The following USP24 variants were observed in gnomAD, a reference collection of about 807,000 sequenced individuals.
The protein encoded by USP24 is ubiquitin carboxyl-terminal hydrolase 24.
A neutral mutation model predicts 361.6 loss-of-function variants in USP24; 97 were observed. The observed-to-expected ratio is 0.27, with a 90% confidence interval of 0.23 to 0.32. The LOEUF is 0.32. Among genes scored for constraint, USP24 ranks in the 10% least tolerant of loss-of-function variants. The probability of loss-of-function intolerance (pLI) is 1.00; values close to 1 mark genes in which losing one functional copy is unlikely to be tolerated. For synonymous variants in USP24, 1,098 were observed against 1,124.6 expected (o/e 0.98, Z 0.47); for missense variants, 2,353 against 3,165.6 (o/e 0.74, Z 6.16).
At chr1:55,207,748 G>T (rs1463636845) in intron 1 of USP24, among the ~76,000 whole-genome samples, 3 of 151,310 alleles carry the variant, frequency 2.0e-5, no homozygotes, top group Non-Finnish European at 4.4e-5. Context: ...AGGGACAACT[G>T]TATCGTATTG....
At chr1:55,111,968 G>A (rs1043570890) in intron 38 of USP24, among the ~76,000 whole-genome samples, 11 of 151,918 alleles carry the variant, frequency 7.2e-5, no homozygotes, top group African/African-American at 2.7e-4. Context: ...ATAAAGACTT[G>A]CAAACAACAG....
chr1:55,079,501 G>A (rs1408797580), intron 60 of USP24, 37 bp downstream of exon 60: 2 of 1,554,024 alleles, frequency 1.3e-6, no homozygotes, highest in Non-Finnish European at 1.7e-6. Context: ...CCTCAAACAG[G>A]AGGGAAAAAA....
At chr1:55,095,510 T>A in intron 50 of USP24, 114 bp from the exon 51 acceptor site, 1 of 1,177,906 alleles carries the variant, frequency 8.5e-7, no homozygotes, top group Non-Finnish European at 1.2e-6. Context: ...CCTAAGTTTG[T>A]AAAATGCAAA....
intron 64 of USP24, 138 bp downstream of exon 64, chr1:55,073,690 T>G: frequency 1.3e-6 from 1 of 768,744 alleles, no homozygotes. Context: ...CAAATAGGTT[T>G]CTGTACCTTC....
chr1:55,129,159 C>T (rs947206218), intron 32 of USP24, among the ~76,000 whole-genome samples: 3 of 152,102 alleles, frequency 2.0e-5, no homozygotes, highest in East Asian at 1.9e-4. Flanking sequence ...GGATTTACAG[C>T]GATAAAATTC....
At chr1:55,071,562 C>T (rs1409207299) in intron 67 of USP24, 3 of 1,303,344 alleles carry the variant, frequency 2.3e-6, no homozygotes, top group Non-Finnish European at 3.0e-6. Flanking sequence ...GGACTACCTG[C>T]AGGCTGATCA....
At chr1:55,117,015 GA>G (rs1646135041) in intron 38 of USP24, among the ~76,000 whole-genome samples, 1 of 152,130 alleles carries the variant, frequency 6.6e-6, no homozygotes, top group Non-Finnish European at 1.5e-5. Flanking sequence ...TTGACTCCTG[GA>G]ATTCAAGTAT....
rs1479576705 is a variant in USP24 at position 55,159,010 on chromosome 1, C to T, written c.1095G>A (p.Leu365=). 49 of 1,570,064 alleles carry T rather than the reference C, an allele frequency of 3.1e-5. No individual in the cohort carries two copies. Among genetic ancestry groups the T allele is most frequent in the Non-Finnish European group, 4.1e-5 (47 of 1,156,152 alleles). ...DKRLVSIPEL[L]SAVKLLCMRF... is the part of the protein sequence containing the mutation. Reference sequence around the variant, plus strand: ...GCATGCAAAGTAACTTAACGGCAGACAAGAGCTCAGGGATGCTAACCAATC... The same window carrying T: ...GCATGCAAAGTAACTTAACGGCAGATAAGAGCTCAGGGATGCTAACCAATC... The change falls in exon 10 of 68, where the codon TTG becomes TTA. Residue 365 remains leucine, a synonymous_variant. Transcript: ENST00000294383.
At chr1:55,120,414 A>C (rs1363305292) in intron 38 of USP24, among the ~76,000 whole-genome samples, 182 bp downstream of exon 38, 1 of 152,166 alleles carries the variant, frequency 6.6e-6, no homozygotes, top group Non-Finnish European at 1.5e-5. Flanking sequence ...ATGGAGAAGA[A>C]GGCCTGGTAG....
intron 13 of USP24, 44 bp from the exon 14 acceptor site, chr1:55,154,510 G>T: frequency 1.3e-6 from 2 of 1,532,206 alleles, no homozygotes; most frequent in Non-Finnish European, 1.8e-6. Context: ...CGATCAAACT[G>T]GCAAAATATG....
intron 55 of USP24, among the ~76,000 whole-genome samples, chr1:55,087,343 A>G (rs1396902705): frequency 7.9e-5 from 12 of 152,238 alleles, no homozygotes. Flanking sequence ...AGGAATACCA[A>G]GAAACCAAAC....
At chr1:55,198,403 T>C in intron 1 of USP24, among the ~76,000 whole-genome samples, 1 of 152,198 alleles carries the variant, frequency 6.6e-6, no homozygotes, top group Non-Finnish European at 1.5e-5. Flanking sequence ...GGCATTTCCG[T>C]TTTTGTGTGT....
In USP24 at chr1:55,095,392, G is replaced by A; in HGVS notation, c.6066C>T (p.Asn2022=). The A allele has an allele frequency of 6.2e-7, 1 of 1,607,434 alleles. No individual in the cohort carries two copies. The change falls in exon 51 of 68, where the codon AAC becomes AAT. Residue 2022 remains asparagine, a synonymous_variant. Coordinates refer to ENST00000294383, the MANE Select transcript of USP24 (RefSeq NM_015306.3). ...EYRPKVYDQT[N]PYTDVRRRYW... is the part of the protein sequence containing the mutation. Reference sequence around the variant, plus strand: ...ATCTTCGGCGCACATCAGTGTATGGGTTTGCTTTATAACAAGACATTAAGA... The same window carrying A: ...ATCTTCGGCGCACATCAGTGTATGGATTTGCTTTATAACAAGACATTAAGA...
chr1:55,077,929 T>C (rs1480998830), intron 61 of USP24, among the ~76,000 whole-genome samples: 1 of 152,226 alleles, frequency 6.6e-6, no homozygotes, highest in Non-Finnish European at 1.5e-5. Context: ...AGGAAGAAAC[T>C]GCCCAAGGTC....
intron 1 of USP24, among the ~76,000 whole-genome samples, chr1:55,184,515 A>G (rs1294495112): frequency 6.6e-6 from 1 of 152,236 alleles, no homozygotes; most frequent in African/African-American, 2.4e-5. Flanking sequence ...GGAGACTTCA[A>G]TACCTCAGAA....
In USP24 at chr1:55,097,101, A is replaced by G. The variant is rs1482911843; in HGVS notation, c.5787T>C (p.Val1929=). Residue 1929 remains valine, a synonymous_variant, in exon 49 of 68, where the codon GTT becomes GTC. Transcript: ENST00000294383. ...GMARQDSSSE[V]GENGRSVDQG... is the part of the protein sequence containing the mutation. Reference sequence around the variant, plus strand: ...GATCCACACTTCGCCCATTTTCCCCAACTTCAGAAGAAGAATCTTGGCGAG... The same window carrying G: ...GATCCACACTTCGCCCATTTTCCCCGACTTCAGAAGAAGAATCTTGGCGAG... The G allele has an allele frequency of 2.5e-6, 4 of 1,613,818 alleles. No homozygotes were observed. The highest frequency in any genetic ancestry group is 2.7e-5 in the African/African-American group (2 of 74,900).
At chr1:55,120,068 C>T (rs1328320088) in intron 38 of USP24, among the ~76,000 whole-genome samples, 1 of 152,164 alleles carries the variant, frequency 6.6e-6, no homozygotes, top group Non-Finnish European at 1.5e-5. Context: ...TACCTCCTAT[C>T]CTGGGACTAG....
intron 1 of USP24, among the ~76,000 whole-genome samples, chr1:55,208,596 A>G (rs767745148): frequency 6.0e-5 from 9 of 151,160 alleles, no homozygotes; most frequent in Non-Finnish European, 1.2e-4. Flanking sequence ...ACCACTGCAC[A>G]CCAGCCTGGG....
At chr1:55,100,576 T>C (rs1440433410) in intron 44 of USP24, among the ~76,000 whole-genome samples, 6 of 151,968 alleles carry the variant, frequency 3.9e-5, no homozygotes, top group African/African-American at 1.2e-4. Context: ...TGAACAAATA[T>C]TTCAAAGAAC....
Sources: gnomAD v4.1 joint callset for allele counts (sites outside exome capture counted in the v4.1 genomes callset) on GRCh38, gnomAD v4.1.1 for gene constraint, MANE v1.5 for transcripts, NCBI Gene and HGNC (gene_info 2026-07-23, HGNC 2026-07-21) for gene names.